The following INTS5 variants were observed in gnomAD, a reference collection of about 807,000 sequenced individuals.
INTS5 encodes integrator complex subunit 5.
In INTS5, 29 loss-of-function variants were observed where a neutral mutation model predicts 60.0. The ratio of observed to expected loss-of-function variants is 0.48; its 90% CI spans 0.36 to 0.66. The LOEUF (loss-of-function observed/expected upper bound fraction) is 0.66, where lower values mean the gene tolerates loss of function less well. Among genes scored for constraint, INTS5 ranks in the 30% least tolerant of loss-of-function variants. The probability of loss-of-function intolerance (pLI) is 0.00; values close to 1 mark genes in which losing one functional copy is unlikely to be tolerated. For synonymous variants in INTS5, 588 were observed against 558.8 expected (o/e 1.05, Z -0.74); for missense variants, 1,129 against 1,307.9 (o/e 0.86, Z 2.11).
intron 1 of INTS5, among the ~76,000 whole-genome samples, 164 bp from the exon 2 acceptor site, chr11:62,650,163 C>A (rs1414762809): frequency 6.6e-6 from 1 of 152,076 alleles, no homozygotes; most frequent in Non-Finnish European, 1.5e-5. Flanking sequence ...GTTGTCCAGG[C>A]TGGAGTGCAG....
intron 1 of INTS5, 146 bp downstream of exon 1, chr11:62,653,024 G>C: frequency 2.1e-6 from 1 of 486,872 alleles, no homozygotes; most frequent in Non-Finnish European, 3.3e-6. Context: ...TTTTGGTGAA[G>C]CAGTCCCTGA....
In INTS5 at chr11:62,647,636, G is replaced by C; in HGVS notation, c.2444C>G (p.Thr815Ser). 1 of 1,614,074 alleles carries C rather than the reference G, an allele frequency of 6.2e-7. No homozygotes were observed. Among genetic ancestry groups the C allele is most frequent in the Non-Finnish European group, 8.5e-7 (1 of 1,180,036 alleles). Residue 815 changes from threonine (T) to serine (S), a missense_variant, in exon 2 of 2, where the codon ACC becomes AGC. Physicochemically the swap from Thr to Ser is moderately conservative, Grantham distance 58. Transcript: ENST00000330574. ...ATCGGGACACACACTCTCCACCAAG[G>C]TCACTGCCACTGCTTTGGCTGCCTC... ...SPEAAKAVAV[T>S]LVESVCPDAA...
Position 62,648,761 on chromosome 11 carries a change from T to C in INTS5, c.1319A>G (p.Gln440Arg), listed in dbSNP as rs1253660348. The change falls in exon 2 of 2, where the codon CAG becomes CGG. Residue 440 changes from glutamine (Q) to arginine (R), a missense_variant. Gln to Arg is a conservative substitution (Grantham distance 43, BLOSUM62 1). Coordinates refer to ENST00000330574, the MANE Select transcript of INTS5 (RefSeq NM_030628.2). The surrounding 1 kb of genome is among the most constrained non-coding windows in gnomAD (Gnocchi z 4.4). ...TVREACDRLI[Q>R]LLLLHLQKLV... Reference sequence around the variant, plus strand: ...TTTTTGCAGGTGCAGCAGCAGCAGCTGGATTAGCCGGTCACAAGCCTCACG... The same window carrying C: ...TTTTTGCAGGTGCAGCAGCAGCAGCCGGATTAGCCGGTCACAAGCCTCACG... 6.2e-7 allele frequency: 1 copy of C among 1,614,170 alleles called. No individual in the cohort carries two copies. The highest frequency in any genetic ancestry group is 1.7e-5 in the Admixed American group (1 of 60,028).
intron 1 of INTS5, among the ~76,000 whole-genome samples, chr11:62,650,604 A>G (rs1224156544): frequency 1.3e-5 from 2 of 151,898 alleles, no homozygotes; most frequent in African/African-American, 4.8e-5. Flanking sequence ...GTAGAGACAG[A>G]TTTTACCATG....
chr11:62,649,485 C>G lies in INTS5; in HGVS notation c.595G>C (p.Ala199Pro). 1 of 1,614,198 alleles carries G rather than the reference C, an allele frequency of 6.2e-7. No homozygotes were observed. The highest frequency in any genetic ancestry group is 8.5e-7 in the Non-Finnish European group (1 of 1,180,038). Reference protein sequence around the residue: ...LMDIYVQCLSALIGSCPDACV... With the variant: ...LMDIYVQCLSPLIGSCPDACV... ...GCATCTGGGCAGCTACCAATGAGAG[C>G]CGAGAGGCACTGCACATAGATGTCC... Residue 199 changes from alanine to proline, a missense_variant, in exon 2 of 2, where the codon GCT becomes CCT. Coordinates refer to ENST00000330574, the MANE Select transcript of INTS5 (RefSeq NM_030628.2). This position sits in a 1 kb window ranked among gnomAD's most constrained non-coding sequence, Gnocchi z 6.0.
At position 62,647,044 on chromosome 11, in the gene INTS5, G is replaced by C; in HGVS notation, c.3036C>G (p.Ser1012=). Residue 1012 remains serine (S), a synonymous_variant, in exon 2 of 2, where the codon TCC becomes TCG. Coordinates refer to ENST00000330574, the MANE Select transcript of INTS5 (RefSeq NM_030628.2). ...GCTACGTCCCCTGTCGAAGGAGAGT[G>C]GACGGTGAAGGTGCCTGGAAACGGC... ...FSGRFQAPSP[S]TLLRQGT 6.2e-7 allele frequency: 1 copy of C among 1,612,906 alleles called. No homozygotes were observed. Among genetic ancestry groups the C allele is most frequent in the Non-Finnish European group, 8.5e-7 (1 of 1,179,048 alleles).
At position 62,647,622 on chromosome 11, in the gene INTS5, C is replaced by A; in HGVS notation, c.2458G>T (p.Val820Leu). The change falls in exon 2 of 2, where the codon GTG becomes TTG. Residue 820 changes from valine (V) to leucine (L), a missense_variant. Val to Leu is a conservative substitution (Grantham distance 32). Coordinates refer to ENST00000330574, the MANE Select transcript of INTS5 (RefSeq NM_030628.2). ...TCTGCACCAGCTGCATCGGGACACA[C>A]ACTCTCCACCAAGGTCACTGCCACT... ...KAVAVTLVES[V>L]CPDAAGAELA... 6.2e-7 allele frequency: 1 copy of A among 1,614,036 alleles called. No homozygotes were observed. The highest frequency in any genetic ancestry group is 8.5e-7 in the Non-Finnish European group (1 of 1,180,030).
At position 62,647,344 on chromosome 11, in the gene INTS5, A is replaced by G; in HGVS notation, c.2736T>C (p.Ala912=). The G allele has an allele frequency of 6.2e-7, 1 of 1,613,982 alleles. No individual in the cohort carries two copies. Among genetic ancestry groups the G allele is most frequent in the Non-Finnish European group, 8.5e-7 (1 of 1,180,034 alleles). ...WHLEASCTLV[A]VMAEGSLLPP... is the part of the protein sequence containing the mutation. ...GCAGGAGGCTTCCCTCAGCCATGAC[A>G]GCCACTAAGGTGCAGGATGCCTCCA... Residue 912 remains alanine, a synonymous_variant, in exon 2 of 2, where the codon GCT becomes GCC. Coordinates refer to ENST00000330574, the MANE Select transcript of INTS5 (RefSeq NM_030628.2).
chr11:62,653,263 C>G lies in INTS5; in HGVS notation c.-14G>C, dbSNP rs995020049. On this transcript the variant is annotated 5_prime_UTR_variant, in exon 1 of 2. Transcript: ENST00000330574. The stretch of plus-strand genomic sequence containing the variant: ...CAGCGCGGACATCCCGGAGCCCGAG[C>G]CGAGCCCGAGGCGCGAGCGGCGGAG... 1 of 1,242,794 alleles carries G rather than the reference C, an allele frequency of 8.0e-7. No individual in the cohort carries two copies. 77.0% of individuals were successfully genotyped at this position (1,242,794 alleles called of 1,614,324 possible). A position where few individuals can be genotyped will look rare whatever the true frequency, so the allele number is the denominator to read the frequency against.
At chr11:62,653,129 G>C in intron 1 of INTS5, 41 bp downstream of exon 1, 1 of 1,186,952 alleles carries the variant, frequency 8.4e-7, no homozygotes, top group Non-Finnish European at 1.1e-6. Flanking sequence ...GATCGGCGCG[G>C]GGCCGCGCGA....
chr11:62,648,941 G>A lies in INTS5; in HGVS notation c.1139C>T (p.Pro380Leu), dbSNP rs771385752. Residue 380 changes from proline (P) to leucine (L), a missense_variant, in exon 2 of 2, where the codon CCC (proline) becomes CTC (leucine). Pro to Leu is a moderately conservative substitution (Grantham distance 98, BLOSUM62 -3). Transcript: ENST00000330574. The surrounding 1 kb of genome is among the most constrained non-coding windows in gnomAD (Gnocchi z 4.4). ...CAACATGTTGTCCAGCTCCTCTCGGGGGAATCCTTGAAGGTGTTGCTGCAG... is the reference window on the plus strand; with the variant it reads ...CAACATGTTGTCCAGCTCCTCTCGGAGGAATCCTTGAAGGTGTTGCTGCAG... The part of the protein sequence containing the change: ...SQLQQHLQGF[P>L]REELDNMLNL... The A allele has an allele frequency of 1.9e-6, 3 of 1,612,654 alleles. No individual in the cohort carries two copies. The highest frequency in any genetic ancestry group is 2.2e-5 in the South Asian group (2 of 91,028).
Position 62,648,428 on chromosome 11 carries a change from G to A in INTS5, c.1652C>T (p.Pro551Leu), listed in dbSNP as rs774308608. ...GLVVSLSGLL[P>L]LAFRSCLARV... ...AGCCAGACAGCTTCGGAAAGCCAGG[G>A]GCAGGAGGCCAGAGAGGCTGACCAC... Residue 551 changes from proline (P) to leucine (L), a missense_variant, in exon 2 of 2, where the codon CCC (proline) becomes CTC (leucine). Around this residue, in one of 3 missense-constraint regions of INTS5, gnomAD observed 1,070 missense variants for 1,246.1 expected, o/e 0.86. Coordinates refer to ENST00000330574, the MANE Select transcript of INTS5 (RefSeq NM_030628.2). This position sits in a 1 kb window ranked among gnomAD's most constrained non-coding sequence, Gnocchi z 4.4. 1 of 1,614,226 alleles carries A rather than the reference G, an allele frequency of 6.2e-7. No individual in the cohort carries two copies. Among genetic ancestry groups the A allele is most frequent in the Non-Finnish European group, 8.5e-7 (1 of 1,180,054 alleles).
intron 1 of INTS5, 91 bp downstream of exon 1, chr11:62,653,079 T>C: frequency 1.3e-6 from 1 of 788,450 alleles, no homozygotes; most frequent in Non-Finnish European, 1.8e-6. Context: ...CTGACGTGAG[T>C]TCTCGAGGTA....
rs1478566231 is a variant in INTS5, at chr11:62,648,229, A to G, written c.1851T>C (p.Pro617=). 2 of 1,613,752 alleles carry G rather than the reference A, an allele frequency of 1.2e-6. No homozygotes were observed. The highest frequency in any genetic ancestry group is 1.3e-5 in the African/African-American group (1 of 75,072). Residue 617 remains proline, a synonymous_variant, in exon 2 of 2, where the codon CCT becomes CCC. Coordinates refer to ENST00000330574, the MANE Select transcript of INTS5 (RefSeq NM_030628.2). This position sits in a 1 kb window ranked among gnomAD's most constrained non-coding sequence, Gnocchi z 4.4. The part of the protein sequence containing the change: ...LSDLAPLLLH[P]EEEVAEAAAS... ...CAGCAGCTTCAGCTACTTCCTCCTC[A>G]GGATGTAGCAGGAGAGGAGCCAGGT...
chr11:62,652,927 A>T (rs899758103), intron 1 of INTS5, among the ~76,000 whole-genome samples: 5 of 152,098 alleles, frequency 3.3e-5, no homozygotes, highest in African/African-American at 1.2e-4. Flanking sequence ...CTCTTGGGAG[A>T]GGAAGCCCGG....
At position 62,649,448 on chromosome 11, in the gene INTS5, G is replaced by A. The variant is rs764169702; in HGVS notation, c.632C>T (p.Ala211Val). 5 of 1,614,172 alleles carry A rather than the reference G, an allele frequency of 3.1e-6. No individual in the cohort carries two copies. In the East Asian group the frequency reaches 1.1e-4, roughly 36 times the overall value. The change falls in exon 2 of 2, where the codon GCC becomes GTC. Residue 211 changes from alanine to valine, a missense_variant. Ala to Val is a moderately conservative substitution (Grantham distance 64, BLOSUM62 0). Around this residue, in one of 3 missense-constraint regions of INTS5, gnomAD observed 1,070 missense variants for 1,246.1 expected, o/e 0.86. Coordinates refer to ENST00000330574, the MANE Select transcript of INTS5 (RefSeq NM_030628.2). This position sits in a 1 kb window ranked among gnomAD's most constrained non-coding sequence, Gnocchi z 6.0. ...ATGCTGAACAGAGGTATCCAGCAAG[G>A]CATCCACACACGCATCTGGGCAGCT... ...IGSCPDACVD[A>V]LLDTSVQHSP...
Position 62,648,324 on chromosome 11 carries a change from G to T in INTS5, c.1756C>A (p.Gln586Lys), listed in dbSNP as rs776494088. Residue 586 changes from glutamine to lysine, a missense_variant, in exon 2 of 2, where the codon CAG becomes AAG. Coordinates refer to ENST00000330574, the MANE Select transcript of INTS5 (RefSeq NM_030628.2). The surrounding 1 kb of genome is among the most constrained non-coding windows in gnomAD (Gnocchi z 4.4). ...RNLALLVGWE[Q>K]QGGEGPAALG... Reference sequence around the variant, plus strand: ...GCTGCAGGGCCCTCGCCACCCTGCTGTTCCCACCCTACTAGCAGTGCCAAG... The same window carrying T: ...GCTGCAGGGCCCTCGCCACCCTGCTTTTCCCACCCTACTAGCAGTGCCAAG... 5.0e-6 allele frequency: 8 copies of T among 1,613,816 alleles called. No individual in the cohort carries two copies. The highest frequency in any genetic ancestry group is 6.8e-6 in the Non-Finnish European group (8 of 1,180,018).
At position 62,647,993 on chromosome 11, in the gene INTS5, G is replaced by C; in HGVS notation, c.2087C>G (p.Ala696Gly). 6.2e-7 allele frequency: 1 copy of C among 1,614,156 alleles called. No homozygotes were observed. The highest frequency in any genetic ancestry group is 8.5e-7 in the Non-Finnish European group (1 of 1,179,998). ...KAVLQLLVEG[A>G]LHRGNTELFG... The stretch of plus-strand genomic sequence containing the variant: ...CAGTTCTGTGTTGCCTCGATGTAAG[G>C]CTCCTTCAACCAGCAGCTGCAGGAC... The change falls in exon 2 of 2, where the codon GCC becomes GGC. Residue 696 changes from alanine to glycine, a missense_variant. Around this residue, in one of 3 missense-constraint regions of INTS5, gnomAD observed 1,070 missense variants for 1,246.1 expected, o/e 0.86. Transcript: ENST00000330574.
In INTS5 at chr11:62,647,977, G is replaced by C. The variant is rs748192685; in HGVS notation, c.2103C>G (p.Asn701Lys). 1.2e-6 allele frequency: 2 copies of C among 1,614,166 alleles called. No individual in the cohort carries two copies. The highest frequency in any genetic ancestry group is 4.5e-5 in the East Asian group (2 of 44,886). Residue 701 changes from asparagine (N) to lysine (K), a missense_variant, in exon 2 of 2, where the codon AAC (asparagine) becomes AAG (lysine). Physicochemically the swap from Asn to Lys is moderately conservative, Grantham distance 94. Coordinates refer to ENST00000330574, the MANE Select transcript of INTS5 (RefSeq NM_030628.2). The stretch of plus-strand genomic sequence containing the variant: ...CTACTTGCCCACCAAACAGTTCTGT[G>C]TTGCCTCGATGTAAGGCTCCTTCAA... ...LLVEGALHRG[N>K]TELFGGQVDG...
Sources: gnomAD v4.1 joint callset for allele counts (sites outside exome capture counted in the v4.1 genomes callset) on GRCh38, gnomAD v4.1.1 for gene constraint, gnomAD v4.1.1 regional missense constraint, Gnocchi (gnomAD v3.1) non-coding constraint, MANE v1.5 for transcripts, NCBI Gene and HGNC (gene_info 2026-07-23, HGNC 2026-07-21) for gene names.